The following GPR158 variants were observed in gnomAD, a reference collection of about 807,000 sequenced individuals.
GPR158 encodes G protein-coupled receptor 158, also known as metabotropic glycine receptor.
In GPR158, 30 loss-of-function variants were observed where a neutral mutation model predicts 78.2. The observed-to-expected ratio is 0.38, with a 90% CI of 0.29 to 0.52. GPR158 has a LOEUF of 0.52. Ranked by LOEUF, GPR158 falls within the 20% of genes least tolerant of loss-of-function variation. The pLI is 0.83. For synonymous variants in GPR158, 581 were observed against 591.1 expected (o/e 0.98, Z 0.25); for missense variants, 1,463 against 1,523.5 (o/e 0.96, Z 0.66).
intron 1 of GPR158, among the ~76,000 whole-genome samples, chr10:25,185,650 C>T (rs765284528): frequency 3.3e-5 from 5 of 152,164 alleles, no homozygotes; most frequent in Non-Finnish European, 5.9e-5. Flanking sequence ...GGTGAAACCC[C>T]GTCTGTACTA....
At chr10:25,542,284 G>A (rs1417118549) in intron 5 of GPR158, among the ~76,000 whole-genome samples, 1 of 152,084 alleles carries the variant, frequency 6.6e-6, no homozygotes, top group Non-Finnish European at 1.5e-5. Context: ...AAGGGGAACT[G>A]CTGTGTTCAA....
chr10:25,457,447 T>C (rs995032644), intron 4 of GPR158, among the ~76,000 whole-genome samples: 12 of 152,152 alleles, frequency 7.9e-5, no homozygotes, highest in Admixed American at 6.5e-4. Context: ...GTATGCTTTT[T>C]TTTTCATTTA....
chr10:25,452,652 C>T (rs756196071), intron 4 of GPR158, among the ~76,000 whole-genome samples: 42 of 152,200 alleles, frequency 2.8e-4, no homozygotes, highest in Non-Finnish European at 5.0e-4. Flanking sequence ...GAGGCACAGA[C>T]GTGTGGTAAT....
intron 5 of GPR158, among the ~76,000 whole-genome samples, chr10:25,522,444 G>A (rs1215695189): frequency 6.6e-6 from 1 of 152,128 alleles, no homozygotes; most frequent in Non-Finnish European, 1.5e-5. Context: ...CTTTTCCCTT[G>A]TAACCCTGTT....
intron 3 of GPR158, among the ~76,000 whole-genome samples, chr10:25,402,302 CTG>C (rs1329713299): frequency 1.3e-5 from 2 of 152,060 alleles, no homozygotes; most frequent in Non-Finnish European, 2.9e-5. Context: ...TGCTGAGAAA[CTG>C]TTTCAAATCA....
At chr10:25,376,235 A>T (rs1485958974) in intron 2 of GPR158, among the ~76,000 whole-genome samples, 1 of 151,646 alleles carries the variant, frequency 6.6e-6, no homozygotes, top group East Asian at 1.9e-4. Flanking sequence ...TTATAGATAT[A>T]GTTGATTTTC....
chr10:25,505,608 G>A (rs1233921849), intron 5 of GPR158, among the ~76,000 whole-genome samples: 5 of 152,268 alleles, frequency 3.3e-5, no homozygotes, highest in East Asian at 3.9e-4. Flanking sequence ...CTTATCAACC[G>A]TATGATGAAA....
chr10:25,525,880 G>C (rs1352516807), intron 5 of GPR158, among the ~76,000 whole-genome samples: 1 of 152,064 alleles, frequency 6.6e-6, no homozygotes, highest in Non-Finnish European at 1.5e-5. Flanking sequence ...GCTGAAGTGG[G>C]TGGATCACCT....
At chr10:25,425,769 C>T (rs1158296851) in intron 4 of GPR158, among the ~76,000 whole-genome samples, 2 of 152,084 alleles carry the variant, frequency 1.3e-5, no homozygotes, top group Non-Finnish European at 2.9e-5. Context: ...CACTCCTGGG[C>T]TTCTCTCTTA....
chr10:25,221,244 G>T (rs1484273100), intron 2 of GPR158, 87 bp downstream of exon 2: 3 of 675,942 alleles, frequency 4.4e-6, no homozygotes, highest in Admixed American at 2.9e-5. Flanking sequence ...TGAACAAGAG[G>T]CATCTTACTG....
chr10:25,272,092 A>G (rs1410185575), intron 2 of GPR158, among the ~76,000 whole-genome samples: 1 of 152,118 alleles, frequency 6.6e-6, no homozygotes, highest in East Asian at 1.9e-4. Flanking sequence ...TGAAATCTAG[A>G]TCAACAGTAG....
chr10:25,215,373 A>G (rs2248279), intron 1 of GPR158, among the ~76,000 whole-genome samples: 22,288 of 152,168 alleles, frequency 0.15, 2,062 homozygotes, highest in East Asian at 0.3. Flanking sequence ...GGCAGAGTTG[A>G]GGAATAGGGA....
intron 3 of GPR158, 33 bp downstream of exon 3, chr10:25,396,046 T>G: frequency 1.1e-6 from 1 of 902,010 alleles, no homozygotes. Flanking sequence ...TATATATATG[T>G]ATATACATCA....
At chr10:25,591,545 G>C (rs996441521) in intron 8 of GPR158, among the ~76,000 whole-genome samples, 1 of 152,120 alleles carries the variant, frequency 6.6e-6, no homozygotes, top group African/African-American at 2.4e-5. Flanking sequence ...TAAATTTGGT[G>C]TTGAATAGAC....
At chr10:25,178,876 A>C (rs1312752810) in intron 1 of GPR158, among the ~76,000 whole-genome samples, 1 of 152,252 alleles carries the variant, frequency 6.6e-6, no homozygotes, top group African/African-American at 2.4e-5. Flanking sequence ...TGTAGCAACA[A>C]CAGAAATGGG....
chr10:25,431,557 C>T (rs1342363395), intron 4 of GPR158, among the ~76,000 whole-genome samples: 4 of 137,102 alleles, frequency 2.9e-5, no homozygotes, highest in African/African-American at 8.1e-5. Context: ...GACACATGCA[C>T]ACGTATGTTT....
chr10:25,445,590 A>T (rs975611816), intron 4 of GPR158, among the ~76,000 whole-genome samples: 3 of 152,190 alleles, frequency 2.0e-5, no homozygotes, highest in Non-Finnish European at 4.4e-5. Flanking sequence ...AAATATGAAG[A>T]TTAATTAGGG....
At chr10:25,307,377 CTTTTTTT>C (rs561085223) in intron 2 of GPR158, among the ~76,000 whole-genome samples, 69,662 of 114,836 alleles carry the variant, frequency 0.61, 22,747 homozygotes, top group Non-Finnish European at 0.76. Flanking sequence ...ATTTTAATTG[CTTTTTTT>C]TTTTTTTTTT....
intron 5 of GPR158, among the ~76,000 whole-genome samples, chr10:25,509,979 G>T (rs1009022367): frequency 6.6e-6 from 1 of 152,198 alleles, no homozygotes; most frequent in African/African-American, 2.4e-5. Context: ...CTCCCAAAGT[G>T]CTGGGATTAC....
Sources: allele counts gnomAD v4.1 joint callset (sites outside exome capture counted in the v4.1 genomes callset), GRCh38; gene constraint gnomAD v4.1.1; transcripts MANE v1.5; gene names NCBI Gene and HGNC (gene_info 2026-07-23, HGNC 2026-07-21).